The following SIRT6 variants were observed in gnomAD, a reference collection of about 807,000 sequenced individuals.
SIRT6 encodes sirtuin 6.
A neutral mutation model predicts 33.6 loss-of-function variants in SIRT6; 21 were observed. The observed-to-expected ratio is 0.62, with a 90% CI of 0.44 to 0.90. The LOEUF is 0.90. SIRT6 is among the 40% of genes least tolerant of loss of function. The probability of loss-of-function intolerance (pLI) is 0.00; values close to 1 mark genes in which losing one functional copy is unlikely to be tolerated. For synonymous variants in SIRT6, 221 were observed against 223.9 expected (o/e 0.99, Z 0.12); for missense variants, 504 against 510.6 (o/e 0.99, Z 0.12).
Position 4,175,715 on chromosome 19 carries a change from G to C in SIRT6, c.579C>G (p.Pro193=). 2.5e-6 allele frequency: 4 copies of C among 1,584,496 alleles called. No individual in the cohort carries two copies. The highest frequency in any genetic ancestry group is 1.7e-6 in the Non-Finnish European group (2 of 1,165,366). Reference sequence around the variant, plus strand: ...CATCGGCGAGTGCCAGGTCCCGGTCGGGCAGGGAGTCCTCCCAGTCTAGGA... The same window carrying C: ...CATCGGCGAGTGCCAGGTCCCGGTCCGGCAGGGAGTCCTCCCAGTCTAGGA... ...DTILDWEDSL[P]DRDLALADEA... The change falls in exon 6 of 8, where the codon CCC becomes CCG. Residue 193 remains proline, a synonymous_variant. Coordinates refer to ENST00000337491, the MANE Select transcript of SIRT6 (RefSeq NM_016539.4).
rs201448273 is a variant in SIRT6, at chr19:4,174,908, G to A, written c.777C>T (p.Asp259=). ...HADLRIHGYV[D]EVMTRLMKHL... is the part of the protein sequence containing the mutation. Reference sequence around the variant, plus strand: ...GCTTCATGAGCCGGGTCATGACCTCGTCAACGTAGCCATGGATGCGGAGGT... The same window carrying A: ...GCTTCATGAGCCGGGTCATGACCTCATCAACGTAGCCATGGATGCGGAGGT... Residue 259 remains aspartate (D), a synonymous_variant, in exon 8 of 8, where the codon GAC becomes GAT. Transcript: ENST00000337491. This position sits in a 1 kb window ranked among gnomAD's most constrained non-coding sequence, Gnocchi z 4.2. The A allele has an allele frequency of 8.7e-6, 14 of 1,604,792 alleles. 1 individual carries two copies. Among genetic ancestry groups the A allele is most frequent in the Middle Eastern group, 1.6e-4 (1 of 6,082 alleles).
chr19:4,175,789 C>T lies in SIRT6; in HGVS notation c.534-29G>A, dbSNP rs777983101. On this transcript the variant is annotated intron_variant, in intron 5 of 7. Coordinates refer to ENST00000337491, the MANE Select transcript of SIRT6 (RefSeq NM_016539.4). ...CAATGAGGAAGCTGAGGAGAGTCCT[C>T]AGGGGCCTCGCAGCCTCCCCTGGAG... The T allele has an allele frequency of 7.1e-6, 11 of 1,555,798 alleles. No individual in the cohort carries two copies. The African/African-American group carries it at 1.4e-4, about 19-fold the overall frequency.
Position 4,175,828 on chromosome 19 carries a change from TG to T in SIRT6, c.533+13del, listed in dbSNP as rs1967266498. Reference sequence around the variant, plus strand: ...CCTCCCCTGGAGCCCAGGGCATGGGTGGGGGTGGCTCACCTGCAGGCTCGCA... The same window carrying T: ...CCTCCCCTGGAGCCCAGGGCATGGGTGGGGTGGCTCACCTGCAGGCTCGCA... On this transcript the variant is annotated intron_variant, in intron 5 of 7. Transcript: ENST00000337491. 1 of 1,555,774 alleles carries T rather than the reference TG, an allele frequency of 6.4e-7. No individual in the cohort carries two copies.
At position 4,182,071 on chromosome 19, in the gene SIRT6, G is replaced by T. The variant is rs115483609; in HGVS notation, c.66+403C>A. 179 of 180,776 alleles carry T rather than the reference G, an allele frequency of 9.9e-4. 1 individual carries two copies. The highest frequency in any genetic ancestry group is 4.1e-3 in the African/African-American group (172 of 42,246). 11.2% of individuals were successfully genotyped at this position (180,776 alleles called of 1,614,324 possible). ...GGATCTTTCTGGCACATTCTGTCCA[G>T]TCCCCTCGCCAGGGCAAAACCCTTC... is the stretch of plus-strand genomic sequence containing the variant. On this transcript the variant is annotated intron_variant, in intron 1 of 7. Coordinates refer to ENST00000337491, the MANE Select transcript of SIRT6 (RefSeq NM_016539.4).
chr19:4,175,599 G>A, intron 6 of SIRT6, 81 bp downstream of exon 6: 9 of 1,339,754 alleles, frequency 6.7e-6, no homozygotes, highest in Non-Finnish European at 8.9e-6. Context: ...CTCAGCCACT[G>A]TCCCATGCTG....
chr19:4,175,107 C>T lies in SIRT6; in HGVS notation c.659G>A (p.Arg220Gln), dbSNP rs75244031. Residue 220 changes from arginine (R) to glutamine (Q), a missense_variant, in exon 7 of 8, where the codon CGG becomes CAG. Coordinates refer to ENST00000337491, the MANE Select transcript of SIRT6 (RefSeq NM_016539.4). Reference sequence around the variant, plus strand: ...AGCCAGCGGCAGGTTCCCGCTGGGCCGGATCTGCAGCGATGTACCCAGCGT... The same window carrying T: ...AGCCAGCGGCAGGTTCCCGCTGGGCTGGATCTGCAGCGATGTACCCAGCGT... ...SITLGTSLQIRPSGNLPLATK... is the reference protein window; with the variant it reads ...SITLGTSLQIQPSGNLPLATK... 169 of 1,588,056 alleles carry T rather than the reference C, an allele frequency of 1.1e-4. No individual in the cohort carries two copies. The highest frequency in any genetic ancestry group is 1.4e-4 in the Non-Finnish European group (158 of 1,169,042).
At position 4,181,033 on chromosome 19, in the gene SIRT6, G is replaced by A. The variant is rs150167387; in HGVS notation, c.67-124C>T. On this transcript the variant is annotated intron_variant, in intron 1 of 7. Coordinates refer to ENST00000337491, the MANE Select transcript of SIRT6 (RefSeq NM_016539.4). ...GGAGGAAAATGGATTGGAAAAGGCA[G>A]CTTGTCCTCATGCCCCTCCTCTTCC... The A allele has an allele frequency of 8.4e-3, 10,858 of 1,295,616 alleles. 67 individuals carry two copies. The highest frequency in any genetic ancestry group is 0.011 in the Admixed American group (420 of 36,578). The allele number at this position is 1,295,616 out of a possible 1,614,324, so 80.3% of individuals were successfully genotyped here.
Position 4,174,817 on chromosome 19 carries a change from G to GGCCCCCCCCCCCCCCCCCCCC in SIRT6, c.867_868insGGGGGGGGGGGGGGGGGGGGC (p.Leu289_Pro290insGlyGlyGlyGlyGlyGlyGly). 4.5e-6 allele frequency: 2 copies of GGCCCCCCCCCCCCCCCCCCCC among 447,544 alleles called. No individual in the cohort carries two copies. The highest frequency in any genetic ancestry group is 8.7e-6 in the Non-Finnish European group (2 of 229,046). The allele number at this position is 447,544 out of a possible 1,614,324, so 27.7% of individuals were successfully genotyped here. Reference sequence around the variant, plus strand: ...TCCAGCTTGGGGGTGGGCGGGCGGGGCAGGGGTGGCAGCGCCCTCTCCAGC... The same window carrying GGCCCCCCCCCCCCCCCCCCCC: ...TCCAGCTTGGGGGTGGGCGGGCGGGGGCCCCCCCCCCCCCCCCCCCCCAGGGGTGGCAGCGCCCTCTCCAGC... On this transcript the variant is annotated inframe_insertion, in exon 8 of 8. Coordinates refer to ENST00000337491, the MANE Select transcript of SIRT6 (RefSeq NM_016539.4). This position sits in a 1 kb window ranked among gnomAD's most constrained non-coding sequence, Gnocchi z 4.2.
intron 3 of SIRT6, among the ~76,000 whole-genome samples, chr19:4,177,933 C>T (rs969787547): frequency 4.6e-5 from 7 of 151,948 alleles, no homozygotes; most frequent in Admixed American, 1.3e-4. Flanking sequence ...ACCATGTGGC[C>T]GGGATGGTCT....
intron 1 of SIRT6, 125 bp from the exon 2 acceptor site, chr19:4,181,034 C>G (rs1319847968): frequency 5.1e-5 from 66 of 1,291,832 alleles, no homozygotes; most frequent in Non-Finnish European, 6.9e-5. Context: ...GAAAAGGCAG[C>G]TTGTCCTCAT....
intron 2 of SIRT6, chr19:4,179,629 G>A: frequency 3.2e-6 from 1 of 314,910 alleles, no homozygotes; most frequent in South Asian, 4.5e-5. Flanking sequence ...CACTGCTGCT[G>A]CAATGAGCCC....
intron 3 of SIRT6, among the ~76,000 whole-genome samples, 166 bp from the exon 4 acceptor site, chr19:4,177,304 T>C (rs1183848759): frequency 6.6e-6 from 1 of 152,074 alleles, no homozygotes; most frequent in Non-Finnish European, 1.5e-5. Flanking sequence ...GGCTCCACCA[T>C]TCATCTGCTG....
At position 4,182,533 on chromosome 19, in the gene SIRT6, C is replaced by T. The variant is rs1435558701; in HGVS notation, c.7G>A (p.Val3Met). ...GGCGACAGCCCCGCCGCGTAATTCACCGACATCCTCGACTGCCCCACGGGA... is the reference window on the plus strand; with the variant it reads ...GGCGACAGCCCCGCCGCGTAATTCATCGACATCCTCGACTGCCCCACGGGA... Reference protein sequence around the residue: MSVNYAAGLSPYA... With the variant: MSMNYAAGLSPYA... The change falls in exon 1 of 8, where the codon GTG becomes ATG. Residue 3 changes from valine (V) to methionine (M), a missense_variant. Transcript: ENST00000337491. 3 of 1,610,980 alleles carry T rather than the reference C, an allele frequency of 1.9e-6. No individual in the cohort carries two copies. The highest frequency in any genetic ancestry group is 2.5e-6 in the Non-Finnish European group (3 of 1,178,916).
intron 4 of SIRT6, among the ~76,000 whole-genome samples, chr19:4,176,386 C>G (rs1474841962): frequency 1.3e-5 from 2 of 152,274 alleles, no homozygotes; most frequent in East Asian, 3.9e-4. Context: ...GTCAGGAGTT[C>G]GACACCAGCC....
chr19:4,175,898 C>T lies in SIRT6; in HGVS notation c.477G>A (p.Leu159=), dbSNP rs1431776067. The change falls in exon 5 of 8, where the codon CTG becomes CTA. Residue 159 remains leucine, a synonymous_variant. Coordinates refer to ENST00000337491, the MANE Select transcript of SIRT6 (RefSeq NM_016539.4). ...VRDTVVGTMG[L]KATGRLCTVA... ...CGGTGCAGAGCCGGCCCGTGGCCTT[C>T]AGGCCCATGGTGCCCACGACTGTGT... 1 of 1,570,212 alleles carries T rather than the reference C, an allele frequency of 6.4e-7. No individual in the cohort carries two copies. The highest frequency in any genetic ancestry group is 1.3e-5 in the African/African-American group (1 of 74,326).
intron 4 of SIRT6, 36 bp from the exon 5 acceptor site, chr19:4,175,973 T>G (rs1967280945): frequency 6.5e-7 from 1 of 1,527,846 alleles, no homozygotes; most frequent in Non-Finnish European, 8.9e-7. Flanking sequence ...TGGGACCAGG[T>G]GAGCTCCCAT....
chr19:4,182,193 A>G (rs1004893606), intron 1 of SIRT6: 7 of 454,678 alleles, frequency 1.5e-5, no homozygotes, highest in Non-Finnish European at 2.4e-5. Context: ...ATCGTTCTCC[A>G]GGTGTGTTTA....
intron 2 of SIRT6, among the ~76,000 whole-genome samples, chr19:4,179,869 C>T (rs1599368412): frequency 1.3e-5 from 2 of 152,084 alleles, no homozygotes; most frequent in Non-Finnish European, 2.9e-5. Context: ...AAGGGGTAAA[C>T]AAAGGCCTGG....
rs529594069 is a variant in SIRT6, at chr19:4,177,647, A to G, written c.378-509T>C. Among the ~76,000 whole-genome samples, 9 of 152,192 alleles carry G rather than the reference A, an allele frequency of 5.9e-5. No individual in the cohort carries two copies. The South Asian group carries it at 1.9e-3, about 32-fold the overall frequency. ...GCAATCTCAGCTCACCACAACCTCAATGGCACAATCTCAGCTCACCACAAC... is the reference window on the plus strand; with the variant it reads ...GCAATCTCAGCTCACCACAACCTCAGTGGCACAATCTCAGCTCACCACAAC... On this transcript the variant is annotated intron_variant, in intron 3 of 7. Transcript: ENST00000337491.
Sources: allele counts gnomAD v4.1 joint callset (sites outside exome capture counted in the v4.1 genomes callset), GRCh38; gene constraint gnomAD v4.1.1; non-coding constraint Gnocchi (gnomAD v3.1); transcripts MANE v1.5; gene names NCBI Gene and HGNC (gene_info 2026-07-23, HGNC 2026-07-21).